SMARCB1: variants seen among roughly 807,000 people sequenced by gnomAD.
The protein encoded by SMARCB1 is SWI/SNF related BAF chromatin remodeling complex subunit B1.
In SMARCB1, 5 loss-of-function variants were observed where a neutral mutation model predicts 49.0. That is an observed-to-expected ratio of 0.10 (90% CI 0.05 to 0.21). The LOEUF is 0.21. SMARCB1 is among the 10% of genes least tolerant of loss of function. SMARCB1 has a pLI of 1.00. For missense variants in SMARCB1, 226 were observed against 509.2 expected, an observed-to-expected ratio of 0.44 and a Z score of 5.35; for synonymous variants, 201 against 200.1, an observed-to-expected ratio of 1.00 and a Z score of -0.04.
Position 23,792,965 on chromosome 22 carries a change from C to T in SMARCB1, c.233-594C>T, listed in dbSNP as rs1214738934. The T allele has an allele frequency of 2.9e-5, 5 of 172,482 alleles. No individual in the cohort carries two copies. The South Asian group carries it at 4.1e-4, about 14-fold the overall frequency. The allele number at this position is 172,482 out of a possible 1,614,324, so 10.7% of individuals were successfully genotyped here. A position where few individuals can be genotyped will look rare whatever the true frequency, so the allele number is the denominator to read the frequency against. On this transcript the variant is annotated intron_variant, in intron 2 of 8. Coordinates refer to ENST00000644036, the MANE Select transcript of SMARCB1 (RefSeq NM_003073.5). Reference sequence around the variant, plus strand: ...CAGGTAGCTCTTGACGGAGATTCCCCGGAAGAGCTAGGGGTCGAGCTGCCT... The same window carrying T: ...CAGGTAGCTCTTGACGGAGATTCCCTGGAAGAGCTAGGGGTCGAGCTGCCT...
chr22:23,793,390 C>T, intron 2 of SMARCB1, 169 bp from the exon 3 acceptor site: 1 of 765,438 alleles, frequency 1.3e-6, no homozygotes. Context: ...GTAAAGCACT[C>T]AGTCCAGATT....
chr22:23,790,419 A>G (rs144820127), intron 1 of SMARCB1, among the ~76,000 whole-genome samples: 4 of 152,268 alleles, frequency 2.6e-5, no homozygotes, highest in East Asian at 1.9e-4. Context: ...ATTTAATACT[A>G]TGCCTGGGTC....
intron 7 of SMARCB1, among the ~76,000 whole-genome samples, chr22:23,826,507 C>T (rs776520753): frequency 6.6e-6 from 1 of 151,946 alleles, no homozygotes; most frequent in South Asian, 2.1e-4. Flanking sequence ...GGTTCCTCAC[C>T]CTGTCCTCTG....
At chr22:23,794,791 G>T (rs1006033922) in intron 3 of SMARCB1, among the ~76,000 whole-genome samples, 1 of 152,014 alleles carries the variant, frequency 6.6e-6, no homozygotes, top group Non-Finnish European at 1.5e-5. Context: ...CCAGCTACTC[G>T]GGAGCCTGAG....
At position 23,804,691 on chromosome 22, in the gene SMARCB1, G is replaced by A. The variant is rs36100652; in HGVS notation, c.628+1269G>A. ...CCTGAGTAGCTGGAACTACAGGCGC[G>A]TGCCACCATGCCTGGCTAATTTTTG... is the stretch of plus-strand genomic sequence containing the variant. On this transcript the variant is annotated intron_variant, in intron 5 of 8. Transcript: ENST00000644036. 5.0e-3 allele frequency among the ~76,000 whole-genome samples: 759 copies of A among 152,204 alleles called. 7 individuals carry two copies. Among genetic ancestry groups the A allele is most frequent in the African/African-American group, 0.017 (702 of 41,528 alleles).
chr22:23,787,018 C>T lies in SMARCB1; in HGVS notation c.-152C>T. 3.9e-6 allele frequency: 2 copies of T among 513,850 alleles called. No individual in the cohort carries two copies. Among genetic ancestry groups the T allele is most frequent in the Non-Finnish European group, 6.8e-6 (2 of 294,474 alleles). 31.8% of individuals were successfully genotyped at this position (513,850 alleles called of 1,614,324 possible). A position where few individuals can be genotyped will look rare whatever the true frequency, so the allele number is the denominator to read the frequency against. On this transcript the variant is annotated 5_prime_UTR_variant, in exon 1 of 9. Transcript: ENST00000644036. ...TGGTCGTCGTCTGCGGCGGCGGCGG[C>T]GGCTGAGGAGCCCGGCTGAGGCGCC...
rs1390658859 is a variant in SMARCB1 at position 23,791,736 on chromosome 22, C to T, written c.94-20C>T. ...GTGGTGCTGCGACCCTTATAATGAG[C>T]CTTCTTGCTTTACTCATAGGTGGGA... is the stretch of plus-strand genomic sequence containing the variant. On this transcript the variant is annotated intron_variant, in intron 1 of 8. Transcript: ENST00000644036. The T allele has an allele frequency of 2.5e-6, 4 of 1,612,946 alleles. No individual in the cohort carries two copies. Among genetic ancestry groups the T allele is most frequent in the Non-Finnish European group, 3.4e-6 (4 of 1,179,398 alleles).
chr22:23,811,296 A>G (rs903048066), intron 5 of SMARCB1, among the ~76,000 whole-genome samples: 8 of 152,354 alleles, frequency 5.3e-5, no homozygotes, highest in Non-Finnish European at 8.8e-5. Context: ...ACAAATTCAC[A>G]ATCATTGGAG....
At chr22:23,807,165 A>G (rs1444892044) in intron 5 of SMARCB1, among the ~76,000 whole-genome samples, 12 of 152,320 alleles carry the variant, frequency 7.9e-5, no homozygotes, top group Admixed American at 7.8e-4. Context: ...CAGAAGGGGA[A>G]CAAGGGGATC....
At chr22:23,795,080 G>A (rs1201928376) in intron 3 of SMARCB1, among the ~76,000 whole-genome samples, 2 of 151,948 alleles carry the variant, frequency 1.3e-5, no homozygotes, top group Non-Finnish European at 2.9e-5. Context: ...GAAGTACAAG[G>A]GAGTAAACAA....
intron 4 of SMARCB1, 150 bp from the exon 5 acceptor site, chr22:23,803,145 G>A (rs1929271340): frequency 4.9e-6 from 5 of 1,010,990 alleles, no homozygotes; most frequent in African/African-American, 1.6e-5. Flanking sequence ...ACCCCTGCTA[G>A]CCTCGTCTGC....
chr22:23,814,946 G>A (rs1477772539), intron 5 of SMARCB1: 2 of 145,172 alleles, frequency 1.4e-5, no homozygotes, highest in Non-Finnish European at 3.0e-5. Flanking sequence ...CTCCAGCCTG[G>A]GCAACAAGAG....
chr22:23,837,736 A>C lies in SMARCB1; in HGVS notation c.*3556A>C. The C allele has an allele frequency of 1.2e-6, 2 of 1,614,020 alleles. No individual in the cohort carries two copies. The highest frequency in any genetic ancestry group is 1.7e-6 in the Non-Finnish European group (2 of 1,179,996). On this transcript the variant is annotated 3_prime_UTR_variant, in exon 9 of 9. Coordinates refer to ENST00000644036, the MANE Select transcript of SMARCB1 (RefSeq NM_003073.5). Reference sequence around the variant, plus strand: ...CGCCCAAGGCAGGAACGGTGCCTGGAAAGTGAGCAGGCCGAAGAAGTTGAC... The same window carrying C: ...CGCCCAAGGCAGGAACGGTGCCTGGCAAGTGAGCAGGCCGAAGAAGTTGAC...
intron 7 of SMARCB1, among the ~76,000 whole-genome samples, chr22:23,827,856 C>T (rs145948011): frequency 3.3e-4 from 51 of 152,254 alleles, no homozygotes; most frequent in African/African-American, 1.2e-3. Context: ...CACCCCACCC[C>T]ATGGGATCTT....
At chr22:23,820,119 C>G (rs954152487) in intron 6 of SMARCB1, among the ~76,000 whole-genome samples, 3 of 152,130 alleles carry the variant, frequency 2.0e-5, no homozygotes, top group African/African-American at 7.2e-5. Flanking sequence ...CCACTGTGCC[C>G]GGCCAGTTTG....
Position 23,834,304 on chromosome 22 carries a change from G to A in SMARCB1, c.*124G>A, listed in dbSNP as rs1297606901. ...GCCATCCTGAGGATCGGGTGGGGGT[G>A]GAGTGGGGGCTTCCAGGTGGCCCTT... On this transcript the variant is annotated 3_prime_UTR_variant, in exon 9 of 9. Coordinates refer to ENST00000644036, the MANE Select transcript of SMARCB1 (RefSeq NM_003073.5). The A allele has an allele frequency of 5.6e-6, 6 of 1,080,406 alleles. No individual in the cohort carries two copies. Among genetic ancestry groups the A allele is most frequent in the Non-Finnish European group, 8.2e-6 (6 of 729,302 alleles). 66.9% of individuals were successfully genotyped at this position (1,080,406 alleles called of 1,614,324 possible). A position where few individuals can be genotyped will look rare whatever the true frequency, so the allele number is the denominator to read the frequency against.
chr22:23,800,200 G>T (rs1313576439), intron 3 of SMARCB1, among the ~76,000 whole-genome samples: 1 of 152,260 alleles, frequency 6.6e-6, no homozygotes, highest in Non-Finnish European at 1.5e-5. Flanking sequence ...ACAGGCATGA[G>T]CCACTGCACC....
At chr22:23,813,841 T>TTCTTA (rs1568950016) in intron 5 of SMARCB1, among the ~76,000 whole-genome samples, 2 of 151,930 alleles carry the variant, frequency 1.3e-5, no homozygotes, top group Non-Finnish European at 2.9e-5. Context: ...TATTATTATT[T>TTCTTA]TTTTTTGAGA....
chr22:23,801,285 C>T, intron 4 of SMARCB1: 1 of 784,646 alleles, frequency 1.3e-6, no homozygotes, highest in Non-Finnish European at 2.2e-6. Flanking sequence ...TCTGCTGTCA[C>T]CTTGCCATGT....
Sources: allele counts gnomAD v4.1 joint callset (sites outside exome capture counted in the v4.1 genomes callset), GRCh38; gene constraint gnomAD v4.1.1; transcripts MANE v1.5; gene names NCBI Gene and HGNC (gene_info 2026-07-23, HGNC 2026-07-21).